Variants in ANK3 observed in about 807,000 individuals in gnomAD.
The protein encoded by ANK3 is ankyrin-3.
In ANK3, 57 loss-of-function variants were observed where a neutral mutation model predicts 370.9. That is an observed-to-expected ratio of 0.15 (90% CI 0.12 to 0.19). ANK3 has a LOEUF of 0.19. ANK3 is among the 10% of genes least tolerant of loss of function. The probability of loss-of-function intolerance (pLI) is 1.00; values close to 1 mark genes in which losing one functional copy is unlikely to be tolerated. For synonymous variants in ANK3, 1,929 were observed against 1,946.3 expected (o/e 0.99, Z 0.23); for missense variants, 4,439 against 5,302.1 (o/e 0.84, Z 5.06).
intron 1 of ANK3, among the ~76,000 whole-genome samples, chr10:60,330,912 T>C (rs2051091857): frequency 6.6e-6 from 1 of 152,136 alleles, no homozygotes; most frequent in Non-Finnish European, 1.5e-5. Context: ...GTGGCACATA[T>C]ACCCCATGGA....
intron 2 of ANK3, 92 bp downstream of exon 2, chr10:60,279,446 A>G (rs2098132446): frequency 9.6e-7 from 1 of 1,047,118 alleles, no homozygotes; most frequent in Non-Finnish European, 1.4e-6. Flanking sequence ...TTCAATGGAA[A>G]AAAACCCCAC....
chr10:60,085,064 AT>A (rs1315093334), intron 31 of ANK3, 92 bp downstream of exon 31: 104 of 1,057,768 alleles, frequency 9.8e-5, no homozygotes, highest in South Asian at 1.2e-4. Flanking sequence ...TCTCACAACA[AT>A]TTTTTTTAGT....
chr10:60,131,122 G>A (rs1258764790), intron 25 of ANK3, among the ~76,000 whole-genome samples: 1 of 152,190 alleles, frequency 6.6e-6, no homozygotes, highest in Non-Finnish European at 1.5e-5. Flanking sequence ...GGTCCAATAA[G>A]TAGCAGTGAT....
intron 1 of ANK3, among the ~76,000 whole-genome samples, chr10:60,635,172 A>G (rs2078536760): frequency 6.6e-6 from 1 of 152,044 alleles, no homozygotes; most frequent in African/African-American, 2.4e-5. Context: ...TTAACTCTCT[A>G]TCCTATCTAC....
At chr10:60,694,379 T>C (rs184604659) in intron 1 of ANK3, among the ~76,000 whole-genome samples, 118 of 152,276 alleles carry the variant, frequency 7.7e-4, no homozygotes, top group Non-Finnish European at 1.5e-3. Context: ...AACATTCAGA[T>C]GCAGGAAATA....
Position 60,213,451 on chromosome 10 carries a change from C to A in ANK3, c.957G>T (p.Met319Ile). The A allele has an allele frequency of 6.2e-7, 1 of 1,612,678 alleles. No individual in the cohort carries two copies. The highest frequency in any genetic ancestry group is 8.5e-7 in the Non-Finnish European group (1 of 1,179,260). Residue 319 changes from methionine to isoleucine, a missense_variant, in exon 9 of 44, where the codon ATG (methionine) becomes ATT (isoleucine). Met to Ile is a conservative substitution (Grantham distance 10, BLOSUM62 1). This residue lies in a region of ANK3 where 227 missense variants were observed against 377.6 expected (regional missense o/e 0.60). Coordinates refer to ENST00000280772, the MANE Select transcript of ANK3 (RefSeq NM_020987.5). ...GAATGGGGGCAGCTCGATCAAGCAA[C>A]ATTTCTACCACCTGCTCGTGGCCAC... ...ARSGHEQVVE[M>I]LLDRAAPILS...
At position 60,722,837 on chromosome 10, in the gene ANK3, T is replaced by C. The variant is rs2079883529; in HGVS notation, c.57+10426A>G. Reference sequence around the variant, plus strand: ...TCTTGCTCCCTCTCTTGCCATATGATATGCCTGTCTTTGCCTTCCAGCAAA... The same window carrying C: ...TCTTGCTCCCTCTCTTGCCATATGACATGCCTGTCTTTGCCTTCCAGCAAA... On this transcript the variant is annotated intron_variant, in intron 1 of 43. Transcript: ENST00000373827. Among the ~76,000 whole-genome samples, 7 of 152,330 alleles carry C rather than the reference T, an allele frequency of 4.6e-5. No homozygotes were observed. In the South Asian group the frequency reaches 1.5e-3, roughly 32 times the overall value.
At chr10:60,712,633 G>T (rs1001392949) in intron 1 of ANK3, among the ~76,000 whole-genome samples, 1 of 151,728 alleles carries the variant, frequency 6.6e-6, no homozygotes, top group African/African-American at 2.4e-5. Flanking sequence ...AAACACAAAG[G>T]GTTTAAATGC....
chr10:60,067,995 A>G lies in ANK3; in HGVS notation c.12259T>C (p.Cys4087Arg). ...GCCATCCTGATATCTGTCCGTTCAC[A>G]TGGACTCTGTGGACCTACGATTTAC... ...SSRRTGPQSPCERTDIRMAIV... is the reference protein window; with the variant it reads ...SSRRTGPQSPRERTDIRMAIV... The change falls in exon 38 of 44, where the codon TGT (cysteine) becomes CGT (arginine). Residue 4087 changes from cysteine to arginine, a missense_variant. Physicochemically the swap from Cys to Arg is radical, Grantham distance 180 (BLOSUM62 -3). Around this residue, in one of 13 missense-constraint regions of ANK3, gnomAD observed 99 missense variants for 150.7 expected, o/e 0.66. Coordinates refer to ENST00000280772, the MANE Select transcript of ANK3 (RefSeq NM_020987.5). 6.2e-7 allele frequency: 1 copy of G among 1,609,884 alleles called. No homozygotes were observed. The highest frequency in any genetic ancestry group is 8.5e-7 in the Non-Finnish European group (1 of 1,176,582).
chr10:60,086,683 T>C lies in ANK3; in HGVS notation c.3742A>G (p.Ile1248Val). Residue 1248 changes from isoleucine (I) to valine (V), a missense_variant, in exon 30 of 44, where the codon ATT becomes GTT. Ile to Val is a conservative substitution (Grantham distance 29). Transcript: ENST00000280772. ...AGCAGTGACTTAACCAAACCTGTAA[T>C]GCTACAGAGAAGACGCAGATTGGGT... ...TTPNLRLLCS[I>V]TGGTSPAQWE... 1 of 1,613,252 alleles carries C rather than the reference T, an allele frequency of 6.2e-7. No individual in the cohort carries two copies. The highest frequency in any genetic ancestry group is 8.5e-7 in the Non-Finnish European group (1 of 1,179,500).
At chr10:60,521,013 T>C (rs1447451036) in intron 2 of ANK3, among the ~76,000 whole-genome samples, 2 of 152,040 alleles carry the variant, frequency 1.3e-5, no homozygotes, top group Non-Finnish European at 2.9e-5. Flanking sequence ...CAACCAGCCA[T>C]TATAATCTAG....
intron 7 of ANK3, among the ~76,000 whole-genome samples, chr10:60,243,540 T>A (rs1009280695): frequency 6.6e-6 from 1 of 152,138 alleles, no homozygotes; most frequent in Non-Finnish European, 1.5e-5. Flanking sequence ...ATAAGAAATT[T>A]TTTTCTTTAT....
At chr10:60,640,191 C>A (rs1267673984) in intron 1 of ANK3, among the ~76,000 whole-genome samples, 3 of 151,514 alleles carry the variant, frequency 2.0e-5, no homozygotes, top group African/African-American at 7.3e-5. Context: ...GGATTCACAG[C>A]TGAATTCTAC....
At chr10:60,090,211 G>A (rs2087894169) in intron 28 of ANK3, among the ~76,000 whole-genome samples, 1 of 151,954 alleles carries the variant, frequency 6.6e-6, no homozygotes, top group Non-Finnish European at 1.5e-5. Context: ...CTAGCTACTT[G>A]GGGTGCTGAG....
rs749698365 is a variant in ANK3, at chr10:60,069,672, C to T, written c.11209G>A (p.Gly3737Ser). ...SASTMTMKKEGPGEITDKIEA... is the reference protein window; with the variant it reads ...SASTMTMKKESPGEITDKIEA... ...ATCTTATCTGTTATTTCTCCAGGGC[C>T]TTCTTTCTTCATGGTCATGGTGGAT... The change falls in exon 37 of 44, where the codon GGC (glycine) becomes AGC (serine). Residue 3737 changes from glycine to serine, a missense_variant. Coordinates refer to ENST00000280772, the MANE Select transcript of ANK3 (RefSeq NM_020987.5). 1.2e-5 allele frequency: 19 copies of T among 1,614,056 alleles called. No homozygotes were observed. Among genetic ancestry groups the T allele is most frequent in the Non-Finnish European group, 1.4e-5 (17 of 1,180,002 alleles).
intron 2 of ANK3, among the ~76,000 whole-genome samples, chr10:60,564,646 T>TA (rs2133254862): frequency 6.6e-6 from 1 of 152,178 alleles, no homozygotes; most frequent in Non-Finnish European, 1.5e-5. Flanking sequence ...GACTCGCCCT[T>TA]AAAAAATGAA....
chr10:60,273,063 C>T (rs1026436033), intron 4 of ANK3, among the ~76,000 whole-genome samples: 1 of 152,272 alleles, frequency 6.6e-6, no homozygotes, highest in South Asian at 2.1e-4. Flanking sequence ...CCGGGAGTTT[C>T]TCAAGAGTTA....
intron 2 of ANK3, among the ~76,000 whole-genome samples, chr10:60,399,489 T>A (rs1309772820): frequency 6.6e-6 from 1 of 151,938 alleles, no homozygotes; most frequent in Non-Finnish European, 1.5e-5. Flanking sequence ...CACCTCAAGG[T>A]TGTTATTAAA....
intron 1 of ANK3, among the ~76,000 whole-genome samples, chr10:60,686,793 C>CTA (rs2079273930): frequency 6.6e-6 from 1 of 152,130 alleles, no homozygotes; most frequent in Non-Finnish European, 1.5e-5. Flanking sequence ...ATGTAACAAG[C>CTA]ATGCATAAAC....
Sources: allele counts gnomAD v4.1 joint callset (sites outside exome capture counted in the v4.1 genomes callset), GRCh38; gene constraint gnomAD v4.1.1; regional missense constraint gnomAD v4.1.1; transcripts MANE v1.5; gene names NCBI Gene and HGNC (gene_info 2026-07-23, HGNC 2026-07-21).